The following MYLK4 variants were observed in gnomAD, a reference collection of about 807,000 sequenced individuals.
MYLK4 encodes caMLCK like.
MYLK4 carries 46 observed loss-of-function variants against 48.1 expected under a neutral mutation model. The observed-to-expected ratio is 0.96, with a 90% CI of 0.75 to 1.22. MYLK4 has a LOEUF of 1.22. MYLK4 is among the 50% of genes most tolerant of loss of function. MYLK4 has a pLI of 0.00. For missense variants in MYLK4, 451 were observed against 486.1 expected, an observed-to-expected ratio of 0.93 and a Z score of 0.68; for synonymous variants, 170 against 180.8, an observed-to-expected ratio of 0.94 and a Z score of 0.48.
rs376415920 is a variant in MYLK4, at chr6:2,673,116, A to G, written c.1120-1768T>C. Among the ~76,000 whole-genome samples, 4 of 152,224 alleles carry G rather than the reference A, an allele frequency of 2.6e-5. No individual in the cohort carries two copies. The highest frequency in any genetic ancestry group is 9.6e-5 in the African/African-American group (4 of 41,454). On this transcript the variant is annotated intron_variant, in intron 11 of 12. Transcript: ENST00000274643. The surrounding 1 kb of genome is among the most constrained non-coding windows in gnomAD (Gnocchi z 4.2). ...GTTATATGGTTTAAAAAATATTCTT[A>G]AACACTTTTTAAACTGTACAATGTC...
At chr6:2,755,367 G>A (rs190724345), upstream of MYLK4, among the ~76,000 whole-genome samples, 227 of 152,146 alleles carry the variant, frequency 1.5e-3, 2 homozygotes, top group Admixed American at 0.014. Context: ...TCTCTTTTGC[G>A]AGTAAGATGC....
chr6:2,663,714 A>C lies in MYLK4; in HGVS notation c.*4211T>G, dbSNP rs1582010050. The C allele has an allele frequency of 6.5e-6, 1 of 152,704 alleles. No individual in the cohort carries two copies. The highest frequency in any genetic ancestry group is 1.9e-4 in the East Asian group (1 of 5,206). The allele number at this position is 152,704 out of a possible 1,614,324, so 9.5% of individuals were successfully genotyped here. ...ACATCTTTAGAAAGCAAAGAAAAACAGCTAAATGAAAGTACGTTCAGAAAT... is the reference window on the plus strand; with the variant it reads ...ACATCTTTAGAAAGCAAAGAAAAACCGCTAAATGAAAGTACGTTCAGAAAT... On this transcript the variant is annotated 3_prime_UTR_variant, in exon 13 of 13. Coordinates refer to ENST00000274643, the MANE Select transcript of MYLK4 (RefSeq NM_001012418.5).
intron 4 of MYLK4, among the ~76,000 whole-genome samples, chr6:2,686,218 A>G (rs1192178930): frequency 6.6e-6 from 1 of 152,228 alleles, no homozygotes; most frequent in Non-Finnish European, 1.5e-5. Context: ...ATGCACCCTC[A>G]CATTTGAGAA....
chr6:2,725,576 A>AAAGAAAGAAAG (rs1491186696), intron 2 of MYLK4, among the ~76,000 whole-genome samples: 1 of 93,002 alleles, frequency 1.1e-5, no homozygotes, highest in African/African-American at 3.8e-5. Context: ...AGAAAGAAAG[A>AAAGAAAGAAAG]AAAAGAAAGA....
rs1320666044 is a variant in MYLK4, at chr6:2,679,309, C to T, written c.858G>A (p.Met286Ile). 6.2e-7 allele frequency: 1 copy of T among 1,614,050 alleles called. No homozygotes were observed. Among genetic ancestry groups the T allele is most frequent in the African/African-American group, 1.3e-5 (1 of 74,920 alleles). ...NYDFVSFPTD[M>I]WSVGVIAYML... ...TATAGGCGATGACCCCCACACTCCA[C>T]ATGTCAGTGGGAAATGAAACAAAAT... is the stretch of plus-strand genomic sequence containing the variant. The change falls in exon 9 of 13, where the codon ATG becomes ATA. Residue 286 changes from methionine to isoleucine, a missense_variant. Transcript: ENST00000274643.
chr6:2,754,513 G>C (rs942290993), upstream of MYLK4, among the ~76,000 whole-genome samples: 1 of 152,174 alleles, frequency 6.6e-6, no homozygotes, highest in African/African-American at 2.4e-5. Flanking sequence ...GGTGGTTGCC[G>C]GGGGCTGGGT....
chr6:2,689,331 G>A (rs992110785), intron 3 of MYLK4, among the ~76,000 whole-genome samples: 1 of 152,178 alleles, frequency 6.6e-6, no homozygotes, highest in South Asian at 2.1e-4. Context: ...TTTTTAAAAT[G>A]CATTACTGAT....
intron 11 of MYLK4, among the ~76,000 whole-genome samples, chr6:2,674,075 C>T (rs1760996224): frequency 6.6e-6 from 1 of 152,186 alleles, no homozygotes; most frequent in African/African-American, 2.4e-5. Flanking sequence ...ATCTAGTACA[C>T]AGATGGACAT....
the MYLK4 span, chr6:2,766,010 C>G: frequency 7.4e-7 from 1 of 1,350,174 alleles, no homozygotes; most frequent in Non-Finnish European, 9.5e-7. Context: ...CCCGGTGGCC[C>G]GCTCCAGCAG....
chr6:2,673,370 T>G lies in MYLK4; in HGVS notation c.1119+1677A>C, dbSNP rs1760975731. Among the ~76,000 whole-genome samples, 1 of 152,192 alleles carries G rather than the reference T, an allele frequency of 6.6e-6. No individual in the cohort carries two copies. The highest frequency in any genetic ancestry group is 6.5e-5 in the Admixed American group (1 of 15,284). ...AGGTATATTCAGACACAAATAAAAC[T>G]TAGTGCCGATGCTGAATTTAGAAGT... On this transcript the variant is annotated intron_variant, in intron 11 of 12. Transcript: ENST00000274643. This position sits in a 1 kb window ranked among gnomAD's most constrained non-coding sequence, Gnocchi z 4.2.
Position 2,726,700 on chromosome 6 carries a change from C to T in MYLK4, c.159+22436G>A, listed in dbSNP as rs1210122315. 2.0e-5 allele frequency among the ~76,000 whole-genome samples: 3 copies of T among 151,364 alleles called. No individual in the cohort carries two copies. The East Asian group carries it at 5.8e-4, about 29-fold the overall frequency. ...GGATTTCGGCTCACTGCAACCTCTG[C>T]CTCCCGGCTTCCAGCAATTCTCCTG... On this transcript the variant is annotated intron_variant, in intron 2 of 12. Coordinates refer to ENST00000274643, the MANE Select transcript of MYLK4 (RefSeq NM_001012418.5).
upstream of MYLK4, among the ~76,000 whole-genome samples, chr6:2,752,416 T>A (rs2113390305): frequency 6.6e-6 from 1 of 152,242 alleles, no homozygotes; most frequent in East Asian, 1.9e-4. Flanking sequence ...CAAATGCCCC[T>A]TTTCTGTTCC....
At chr6:2,750,347 C>A (rs1173001384) in intron 1 of MYLK4, among the ~76,000 whole-genome samples, 3 of 152,208 alleles carry the variant, frequency 2.0e-5, no homozygotes, top group Non-Finnish European at 4.4e-5. Flanking sequence ...TTATACTTAT[C>A]CACATAAAGA....
intron 2 of MYLK4, among the ~76,000 whole-genome samples, chr6:2,744,893 T>A (rs1561883981): frequency 6.6e-6 from 1 of 152,194 alleles, no homozygotes; most frequent in Admixed American, 6.5e-5. Context: ...TCAGAAATGA[T>A]TTGCTTAGGG....
chr6:2,752,258 G>T (rs1265971386), upstream of MYLK4, among the ~76,000 whole-genome samples: 1 of 152,176 alleles, frequency 6.6e-6, no homozygotes, highest in Admixed American at 6.5e-5. Context: ...TGCAAAGGTA[G>T]TTCAGAGTTC....
At chr6:2,768,335 C>G in the MYLK4 span, among the ~76,000 whole-genome samples, 1 of 152,158 alleles carries the variant, frequency 6.6e-6, no homozygotes, top group Non-Finnish European at 1.5e-5. Context: ...GGAGAATTTT[C>G]TCTTTGGTGA....
intron 10 of MYLK4, among the ~76,000 whole-genome samples, chr6:2,675,652 T>C (rs943380342): frequency 1.3e-5 from 2 of 151,742 alleles, no homozygotes; most frequent in African/African-American, 4.8e-5. Flanking sequence ...GAAGAAACAA[T>C]ATCCTTTTGG....
intron 2 of MYLK4, among the ~76,000 whole-genome samples, chr6:2,714,437 T>G (rs553790270): frequency 1.3e-5 from 2 of 152,382 alleles, no homozygotes; most frequent in Admixed American, 1.3e-4. Context: ...GCACTCTGGA[T>G]GCACTGCCTA....
chr6:2,728,154 G>A (rs1026010020), intron 2 of MYLK4, among the ~76,000 whole-genome samples: 1 of 152,142 alleles, frequency 6.6e-6, no homozygotes, highest in Non-Finnish European at 1.5e-5. Context: ...ATTTTTAAAA[G>A]TGATCCAGGT....
Sources: allele counts gnomAD v4.1 joint callset (sites outside exome capture counted in the v4.1 genomes callset), GRCh38; gene constraint gnomAD v4.1.1; non-coding constraint Gnocchi (gnomAD v3.1); transcripts MANE v1.5; gene names NCBI Gene and HGNC (gene_info 2026-07-23, HGNC 2026-07-21).